Variants in ASPRV1 observed in about 807,000 individuals in gnomAD.
The protein encoded by ASPRV1 is retroviral-like aspartic protease 1.
ASPRV1 carries 7 observed loss-of-function variants against 11.0 expected under a neutral mutation model. The ratio of observed to expected loss-of-function variants is 0.64; its 90% confidence interval spans 0.36 to 1.20. ASPRV1 has a LOEUF of 1.20. Among genes scored for constraint, ASPRV1 ranks in the 50% most tolerant of loss-of-function variants. The pLI is 0.02. For missense variants in ASPRV1, 299 were observed against 320.0 expected (o/e 0.93, Z 0.50); for synonymous variants, 136 against 138.4 (o/e 0.98, Z 0.12).
chr2:69,983,974 C>T, the ASPRV1 span, among the ~76,000 whole-genome samples: 426 of 152,296 alleles, frequency 2.8e-3, 2 homozygotes, highest in Non-Finnish European at 4.6e-3. Context: ...CCCAGTCCCT[C>T]CTTTCCCAGC....
chr2:70,080,260 C>T, the ASPRV1 span, among the ~76,000 whole-genome samples: 5 of 151,018 alleles, frequency 3.3e-5, no homozygotes, highest in East Asian at 7.8e-4. Flanking sequence ...CAGTTTCACT[C>T]TTGTTGCCTG....
the ASPRV1 span, among the ~76,000 whole-genome samples, chr2:69,945,763 G>C: frequency 2.0e-5 from 3 of 152,222 alleles, no homozygotes; most frequent in African/African-American, 4.8e-5. Flanking sequence ...CGGAGGCCAA[G>C]GGCATGCACC....
At chr2:70,079,443 G>A in the ASPRV1 span, among the ~76,000 whole-genome samples, 59 of 152,154 alleles carry the variant, frequency 3.9e-4, no homozygotes, top group East Asian at 6.8e-3. Context: ...ACTGCAGTCC[G>A]GCCTGGACAA....
the ASPRV1 span, among the ~76,000 whole-genome samples, chr2:69,996,229 A>AC: frequency 7.3e-5 from 11 of 150,656 alleles, no homozygotes; most frequent in African/African-American, 2.0e-4. Flanking sequence ...AAAAAAAAAA[A>AC]AAAAAAAAAA....
At chr2:69,954,526 G>GC in the ASPRV1 span, among the ~76,000 whole-genome samples, 1 of 152,150 alleles carries the variant, frequency 6.6e-6, no homozygotes, top group Admixed American at 6.5e-5. Flanking sequence ...AATAAAAGCA[G>GC]CATCTCCTTC....
chr2:70,045,319 T>C, the ASPRV1 span: 2 of 152,322 alleles, frequency 1.3e-5, no homozygotes, highest in Admixed American at 1.3e-4. Flanking sequence ...TTCTTTGACT[T>C]TCAGCTTGCC....
chr2:69,969,898 T>A, the ASPRV1 span, among the ~76,000 whole-genome samples: 1 of 102,448 alleles, frequency 9.8e-6, no homozygotes, highest in African/African-American at 7.6e-5. Flanking sequence ...TCTCTTAAAT[T>A]TTTTTTTTTT....
chr2:69,963,153 C>T (rs1216189853), upstream of ASPRV1: 5 of 417,400 alleles, frequency 1.2e-5, no homozygotes, highest in Non-Finnish European at 1.9e-5. Context: ...TCCCCAGCCC[C>T]TTCCACCTGA....
chr2:69,961,844 AC>A (rs1678131192), upstream of ASPRV1: 2 of 745,020 alleles, frequency 2.7e-6, no homozygotes. Flanking sequence ...TTGAAGGGGG[AC>A]TACCCTGTAC....
chr2:70,079,502 T>C, the ASPRV1 span, among the ~76,000 whole-genome samples: 1 of 151,768 alleles, frequency 6.6e-6, no homozygotes, highest in African/African-American at 2.4e-5. Context: ...AGAGAGCACC[T>C]AGGAAAAGAG....
At chr2:69,951,481 GTGTA>G in the ASPRV1 span, among the ~76,000 whole-genome samples, 2,736 of 89,626 alleles carry the variant, frequency 0.031, 118 homozygotes, top group East Asian at 0.15. Flanking sequence ...GTGTGTGTGT[GTGTA>G]TATCTATATG....
At chr2:69,987,132 C>A in the ASPRV1 span, among the ~76,000 whole-genome samples, 5 of 152,076 alleles carry the variant, frequency 3.3e-5, no homozygotes, top group Non-Finnish European at 7.4e-5. Context: ...GGTGGGAATG[C>A]GTGAGAAGTC....
chr2:70,051,840 C>T, the ASPRV1 span, among the ~76,000 whole-genome samples: 2 of 151,914 alleles, frequency 1.3e-5, no homozygotes, highest in African/African-American at 4.8e-5. Flanking sequence ...CTGGGTGAAG[C>T]AGCACATGCC....
the ASPRV1 span, among the ~76,000 whole-genome samples, chr2:70,041,727 G>A: frequency 6.6e-6 from 1 of 152,206 alleles, no homozygotes; most frequent in Non-Finnish European, 1.5e-5. Context: ...CTAGGGAAGA[G>A]AGCCTCAGAG....
the ASPRV1 span, among the ~76,000 whole-genome samples, chr2:69,945,393 G>A: frequency 4.6e-5 from 7 of 152,244 alleles, no homozygotes; most frequent in Non-Finnish European, 1.0e-4. Context: ...TCTGCAGGAA[G>A]TATTGTTCAG....
chr2:70,064,791 A>G, the ASPRV1 span, among the ~76,000 whole-genome samples: 6 of 152,198 alleles, frequency 3.9e-5, no homozygotes, highest in Non-Finnish European at 8.8e-5. Context: ...GAATACAACA[A>G]TGAATAAAAC....
the ASPRV1 span, among the ~76,000 whole-genome samples, chr2:70,066,853 T>C: frequency 2.0e-5 from 3 of 150,066 alleles, no homozygotes; most frequent in East Asian, 2.0e-4. Context: ...GCCTCCCAAA[T>C]TGCTGGGATT....
chr2:70,056,190 G>A, the ASPRV1 span: 1 of 152,134 alleles, frequency 6.6e-6, no homozygotes, highest in South Asian at 2.1e-4. Context: ...AGAAAGGAGG[G>A]GTAGGGCAAG....
the ASPRV1 span, among the ~76,000 whole-genome samples, chr2:70,083,123 G>A: frequency 1.3e-5 from 2 of 152,268 alleles, no homozygotes; most frequent in South Asian, 4.1e-4. Context: ...TTGGCTGTTT[G>A]GGGACAGAAA....
Sources: gnomAD v4.1 joint callset for allele counts (sites outside exome capture counted in the v4.1 genomes callset) on GRCh38, gnomAD v4.1.1 for gene constraint, MANE v1.5 for transcripts, NCBI Gene and HGNC (gene_info 2026-07-23, HGNC 2026-07-21) for gene names.